Variants in LYPLAL1 observed in about 807,000 individuals in gnomAD.
The protein encoded by LYPLAL1 is lysophospholipase-like protein 1.
LYPLAL1 carries 23 observed loss-of-function variants against 19.7 expected under a neutral mutation model. That is an observed-to-expected ratio of 1.17 (90% CI 0.84 to 1.65). The LOEUF (loss-of-function observed/expected upper bound fraction) is 1.65. LYPLAL1 is among the 40% of genes most tolerant of loss of function. LYPLAL1 has a pLI of 0.00. For missense variants in LYPLAL1, 355 were observed against 279.4 expected, an observed-to-expected ratio of 1.27 and a Z score of -1.93; for synonymous variants, 119 against 96.3, an observed-to-expected ratio of 1.24 and a Z score of -1.38.
At chr1:219,428,140 T>C in the LYPLAL1 span, among the ~76,000 whole-genome samples, 1 of 152,226 alleles carries the variant, frequency 6.6e-6, no homozygotes, top group Non-Finnish European at 1.5e-5. Flanking sequence ...AACTCCATGA[T>C]GGCAACAATG....
At chr1:219,359,604 T>G in the LYPLAL1 span, among the ~76,000 whole-genome samples, 1 of 152,218 alleles carries the variant, frequency 6.6e-6, no homozygotes, top group Non-Finnish European at 1.5e-5. Context: ...GTGGATTTAA[T>G]GATCCAATTT....
the LYPLAL1 span, among the ~76,000 whole-genome samples, chr1:219,424,791 AT>A: frequency 6.6e-6 from 1 of 152,172 alleles, no homozygotes; most frequent in Non-Finnish European, 1.5e-5. Context: ...GTTTTAGGAT[AT>A]GACTTGGACA....
chr1:219,327,563 G>T, the LYPLAL1 span, among the ~76,000 whole-genome samples: 1 of 151,718 alleles, frequency 6.6e-6, no homozygotes, highest in Non-Finnish European at 1.5e-5. Context: ...ATTTGACTTA[G>T]TGTGACAAAT....
At chr1:219,397,792 T>C in the LYPLAL1 span, among the ~76,000 whole-genome samples, 3 of 152,208 alleles carry the variant, frequency 2.0e-5, no homozygotes, top group African/African-American at 7.2e-5. Context: ...AAAAGGATTT[T>C]ATTTCTTCTT....
chr1:219,419,335 T>C, the LYPLAL1 span, among the ~76,000 whole-genome samples: 127,957 of 152,118 alleles, frequency 0.84, 54,514 homozygotes, highest in African/African-American at 0.96. Context: ...AGAGTCCCTG[T>C]GCCAGCGATC....
At chr1:219,241,134 C>CTCTCTCTCTA in the LYPLAL1 span, among the ~76,000 whole-genome samples, 81 of 44,348 alleles carry the variant, frequency 1.8e-3, no homozygotes, top group South Asian at 3.6e-3. Context: ...CTCTCTCTCT[C>CTCTCTCTCTA]TATATATATA....
chr1:219,380,814 G>T, the LYPLAL1 span, among the ~76,000 whole-genome samples: 1 of 152,290 alleles, frequency 6.6e-6, no homozygotes, highest in South Asian at 2.1e-4. Context: ...AGCATATGGG[G>T]TGTCTGTCAC....
chr1:219,396,726 C>A, the LYPLAL1 span, among the ~76,000 whole-genome samples: 9,067 of 152,196 alleles, frequency 0.06, 353 homozygotes, highest in South Asian at 0.088. Flanking sequence ...TTGCTCCCCC[C>A]TTGACTTGTT....
At chr1:219,174,287 A>G (rs1655623593) in intron 1 of LYPLAL1, 2 of 1,277,376 alleles carry the variant, frequency 1.6e-6, no homozygotes, top group Middle Eastern at 3.2e-4. Flanking sequence ...CCAAGTTTAA[A>G]CAGAGCAAGT....
At chr1:219,371,443 A>G in the LYPLAL1 span, among the ~76,000 whole-genome samples, 21 of 152,220 alleles carry the variant, frequency 1.4e-4, no homozygotes, top group African/African-American at 3.9e-4. Context: ...CTAATGAACA[A>G]TATTCTGTCA....
chr1:219,229,943 A>C, the LYPLAL1 span, among the ~76,000 whole-genome samples: 1 of 152,322 alleles, frequency 6.6e-6, no homozygotes, highest in East Asian at 1.9e-4. Context: ...TGTCATTTAA[A>C]TGGGTGAGAC....
chr1:219,417,637 T>C, the LYPLAL1 span, among the ~76,000 whole-genome samples: 1 of 152,276 alleles, frequency 6.6e-6, no homozygotes, highest in Non-Finnish European at 1.5e-5. Flanking sequence ...CAGTTATTAC[T>C]GGGTCTGATA....
At chr1:219,377,619 C>A in the LYPLAL1 span, among the ~76,000 whole-genome samples, 2 of 152,180 alleles carry the variant, frequency 1.3e-5, no homozygotes, top group African/African-American at 4.8e-5. Context: ...CTGGAGATTG[C>A]CTCTTCTTTA....
the LYPLAL1 span, among the ~76,000 whole-genome samples, chr1:219,283,601 T>G: frequency 6.6e-6 from 1 of 152,180 alleles, no homozygotes; most frequent in East Asian, 1.9e-4. Context: ...TATTTTAAAA[T>G]TAAAGCACAG....
intron 3 of LYPLAL1, among the ~76,000 whole-genome samples, chr1:219,203,087 T>TCA (rs75909616): frequency 1.3e-5 from 2 of 151,800 alleles, no homozygotes; most frequent in East Asian, 1.9e-4. Flanking sequence ...GTTGTTAACC[T>TCA]TTTATTTTGT....
At chr1:219,392,104 G>A in the LYPLAL1 span, among the ~76,000 whole-genome samples, 3 of 152,222 alleles carry the variant, frequency 2.0e-5, no homozygotes, top group East Asian at 5.8e-4. Context: ...AGACTCCCCT[G>A]TTTGGGGTCA....
chr1:219,382,760 T>A, the LYPLAL1 span, among the ~76,000 whole-genome samples: 1 of 152,138 alleles, frequency 6.6e-6, no homozygotes, highest in East Asian at 1.9e-4. Flanking sequence ...GAAAACCACA[T>A]AAAAATTAAA....
chr1:219,443,688 C>A, the LYPLAL1 span, among the ~76,000 whole-genome samples: 1 of 148,646 alleles, frequency 6.7e-6, no homozygotes. Flanking sequence ...AAAAAAAAAT[C>A]ACCAAACTTC....
intron 3 of LYPLAL1, among the ~76,000 whole-genome samples, chr1:219,199,511 C>A (rs911086165): frequency 2.2e-4 from 34 of 151,408 alleles, no homozygotes; most frequent in African/African-American, 8.3e-4. Context: ...GGCAAGATCT[C>A]GGCTCACTGC....
Sources: allele counts gnomAD v4.1 joint callset (sites outside exome capture counted in the v4.1 genomes callset), GRCh38; gene constraint gnomAD v4.1.1; transcripts MANE v1.5; gene names NCBI Gene and HGNC (gene_info 2026-07-23, HGNC 2026-07-21).